Variants in NCAM1 observed in about 807,000 individuals in gnomAD.
NCAM1 encodes neural cell adhesion molecule 1.
NCAM1 carries 14 observed loss-of-function variants against 109.8 expected under a neutral mutation model. The observed-to-expected ratio is 0.13, with a 90% confidence interval of 0.08 to 0.20. The LOEUF is 0.20. Ranked by LOEUF, NCAM1 falls within the 10% of genes least tolerant of loss-of-function variation. NCAM1 has a pLI of 1.00. For synonymous variants in NCAM1, 418 were observed against 442.9 expected (o/e 0.94, Z 0.70); for missense variants, 774 against 1,109.9 (o/e 0.70, Z 4.30).
chr11:113,216,318 T>A (rs1253279451), intron 8 of NCAM1, among the ~76,000 whole-genome samples: 10 of 151,350 alleles, frequency 6.6e-5, no homozygotes, highest in Non-Finnish European at 1.5e-5. Context: ...CCCGGCTAAT[T>A]TTTTTTTGTA....
chr11:113,131,944 C>T (rs1555098387), intron 1 of NCAM1, among the ~76,000 whole-genome samples: 1 of 152,186 alleles, frequency 6.6e-6, no homozygotes, highest in Non-Finnish European at 1.5e-5. Context: ...TCTGCCATAA[C>T]CAGGAACTTG....
At chr11:113,176,938 G>A (rs1355270783) in intron 1 of NCAM1, among the ~76,000 whole-genome samples, 1 of 152,176 alleles carries the variant, frequency 6.6e-6, no homozygotes, top group Non-Finnish European at 1.5e-5. Context: ...TTAACATGCA[G>A]AAGGGCATAT....
chr11:113,069,012 GTATT>G (rs1938127216), intron 1 of NCAM1, among the ~76,000 whole-genome samples: 1 of 152,116 alleles, frequency 6.6e-6, no homozygotes, highest in African/African-American at 2.4e-5. Flanking sequence ...TACTTTGTTT[GTATT>G]TATTAATTCA....
At chr11:112,971,938 T>C (rs1342462081) in intron 1 of NCAM1, among the ~76,000 whole-genome samples, 4 of 152,146 alleles carry the variant, frequency 2.6e-5, no homozygotes, top group Non-Finnish European at 5.9e-5. Context: ...CAGATAATTT[T>C]GGAAAGACAC....
chr11:113,196,064 T>C (rs1287532404), intron 1 of NCAM1, among the ~76,000 whole-genome samples: 2 of 152,200 alleles, frequency 1.3e-5, no homozygotes, highest in Non-Finnish European at 2.9e-5. Flanking sequence ...AGGATCAATA[T>C]ATTCACTTAC....
intron 1 of NCAM1, among the ~76,000 whole-genome samples, chr11:112,977,935 G>C (rs782270912): frequency 5.3e-5 from 8 of 151,818 alleles, no homozygotes; most frequent in Non-Finnish European, 1.2e-4. Flanking sequence ...TTCTCAAAAG[G>C]GTTTTTATTC....
At position 113,065,898 on chromosome 11, in the gene NCAM1, C is replaced by T. The variant is rs959792802; in HGVS notation, c.52+104234C>T. 2.6e-5 allele frequency among the ~76,000 whole-genome samples: 4 copies of T among 152,204 alleles called. No homozygotes were observed. In the East Asian group the frequency reaches 5.8e-4, roughly 22 times the overall value. ...ATATAAGATGCTAATAATGGAGAAA[C>T]GTTGCGAGTTGATGAAGTGTATGTG... On this transcript the variant is annotated intron_variant, in intron 1 of 19. Coordinates refer to ENST00000316851, the MANE Select transcript of NCAM1 (RefSeq NM_181351.5).
At chr11:113,098,073 T>C (rs1939691294) in intron 1 of NCAM1, among the ~76,000 whole-genome samples, 1 of 152,176 alleles carries the variant, frequency 6.6e-6, no homozygotes, top group African/African-American at 2.4e-5. Context: ...TGACGTGGAA[T>C]GTGTTCAACA....
chr11:113,016,705 TAGA>T (rs782203354), intron 1 of NCAM1, among the ~76,000 whole-genome samples: 21 of 152,262 alleles, frequency 1.4e-4, no homozygotes, highest in Non-Finnish European at 2.8e-4. Flanking sequence ...AGTGCTCAGC[TAGA>T]AGGAGGGAGA....
intron 1 of NCAM1, among the ~76,000 whole-genome samples, chr11:113,107,830 T>G (rs2135928074): frequency 6.6e-6 from 1 of 152,228 alleles, no homozygotes; most frequent in African/African-American, 2.4e-5. Context: ...TGGCATAAAT[T>G]AAGGGAGTGT....
At chr11:113,158,988 A>C (rs182549293) in intron 1 of NCAM1, among the ~76,000 whole-genome samples, 1 of 152,358 alleles carries the variant, frequency 6.6e-6, no homozygotes, top group Admixed American at 6.5e-5. Context: ...AACAATAGTT[A>C]TCTCTAGAGA....
chr11:113,008,038 A>G (rs1951933603), intron 1 of NCAM1, among the ~76,000 whole-genome samples: 1 of 152,232 alleles, frequency 6.6e-6, no homozygotes, highest in South Asian at 2.1e-4. Context: ...TTTAATTGAC[A>G]GCTTTTATTT....
At chr11:113,067,814 A>G (rs1312110265) in intron 1 of NCAM1, among the ~76,000 whole-genome samples, 7 of 152,214 alleles carry the variant, frequency 4.6e-5, no homozygotes, top group African/African-American at 1.4e-4. Context: ...CGTGTTAACA[A>G]AGTTAAAGGG....
At chr11:113,255,597 G>GGA (rs1555122141) in intron 15 of NCAM1, among the ~76,000 whole-genome samples, 2 of 92,966 alleles carry the variant, frequency 2.2e-5, no homozygotes, top group African/African-American at 4.3e-5. Context: ...TGAGACAGGG[G>GGA]AAAAAAAAAA....
chr11:113,084,378 C>A (rs1162790460), intron 1 of NCAM1, among the ~76,000 whole-genome samples: 2 of 152,148 alleles, frequency 1.3e-5, no homozygotes, highest in African/African-American at 4.8e-5. Context: ...GATACAGAAA[C>A]TGGGCTCCAG....
chr11:113,003,121 A>G (rs1029731690), intron 1 of NCAM1, among the ~76,000 whole-genome samples: 1 of 152,250 alleles, frequency 6.6e-6, no homozygotes, highest in Non-Finnish European at 1.5e-5. Flanking sequence ...TTAGAAGAGA[A>G]GCTTAAAATA....
At chr11:112,990,524 G>T (rs1362466184) in intron 1 of NCAM1, among the ~76,000 whole-genome samples, 1 of 152,074 alleles carries the variant, frequency 6.6e-6, no homozygotes, top group Non-Finnish European at 1.5e-5. Context: ...CTGCTCCGGG[G>T]ACTTAGAGAG....
rs146627958 is a variant in NCAM1, at chr11:113,262,622, A to G, written c.2131+2299A>G. Among the ~76,000 whole-genome samples the G allele has an allele frequency of 6.2e-4, 95 of 152,306 alleles. No homozygotes were observed. The East Asian group carries it at 0.017, about 28-fold the overall frequency. ...TTGTCAATTTAATTTACTAAGTTGAATTAACCTTTGATTCTGTGTTTTCTA... is the reference window on the plus strand; with the variant it reads ...TTGTCAATTTAATTTACTAAGTTGAGTTAACCTTTGATTCTGTGTTTTCTA... On this transcript the variant is annotated intron_variant, in intron 17 of 19. Coordinates refer to ENST00000316851, the MANE Select transcript of NCAM1 (RefSeq NM_181351.5).
chr11:113,231,775 C>A lies in NCAM1; in HGVS notation c.1220C>A (p.Ser407Tyr). 6.2e-7 allele frequency: 1 copy of A among 1,613,928 alleles called. No individual in the cohort carries two copies. The highest frequency in any genetic ancestry group is 8.5e-7 in the Non-Finnish European group (1 of 1,179,878). Residue 407 changes from serine to tyrosine, a missense_variant, in exon 10 of 20, where the codon TCC (serine) becomes TAC (tyrosine). Coordinates refer to ENST00000316851, the MANE Select transcript of NCAM1 (RefSeq NM_181351.5). ...AACACCATCGGCCAGGACTCCCAGT[C>A]CATGTACCTTGAAGTGCAATGTAAG... ...ASNTIGQDSQ[S>Y]MYLEVQYAPK...
Sources: gnomAD v4.1 joint callset for allele counts (sites outside exome capture counted in the v4.1 genomes callset) on GRCh38, gnomAD v4.1.1 for gene constraint, MANE v1.5 for transcripts, NCBI Gene and HGNC (gene_info 2026-07-23, HGNC 2026-07-21) for gene names.